Variants in FOXP4 observed in about 807,000 individuals in gnomAD.
FOXP4 encodes the protein forkhead box protein P4.
Under a neutral mutation model 82.6 loss-of-function variants are expected in FOXP4, and 25 were observed. The observed-to-expected ratio is 0.30, with a 90% CI of 0.22 to 0.42. The LOEUF (loss-of-function observed/expected upper bound fraction) is 0.42, where lower values mean the gene tolerates loss of function less well. Ranked by LOEUF, FOXP4 falls within the 10% of genes least tolerant of loss-of-function variation. FOXP4 has a pLI of 1.00. For synonymous variants in FOXP4, 415 were observed against 388.2 expected (o/e 1.07, Z -0.81); for missense variants, 785 against 900.9 (o/e 0.87, Z 1.65).
At chr6:41,560,274 CACCACTCTGA>C in intron 1 of FOXP4, among the ~76,000 whole-genome samples, 1 of 152,250 alleles carries the variant, frequency 6.6e-6, no homozygotes, top group African/African-American at 2.4e-5. Flanking sequence ...CCCGCACCAC[CACCACTCTGA>C]AAAAAACAAG....
At chr6:41,554,929 C>A (rs1254244780) in intron 1 of FOXP4, among the ~76,000 whole-genome samples, 2 of 151,440 alleles carry the variant, frequency 1.3e-5, no homozygotes, top group East Asian at 3.9e-4. Flanking sequence ...GACACCCTGA[C>A]CCAAATCTAA....
intron 4 of FOXP4, 92 bp from the exon 5 acceptor site, chr6:41,585,339 C>G (rs902447667): frequency 1.5e-6 from 2 of 1,314,066 alleles, no homozygotes; most frequent in East Asian, 2.5e-5. Context: ...GGGAAACTCC[C>G]TTCTCCTGCC....
rs1765953482 is a variant in FOXP4, at chr6:41,584,045, TA to T, written c.301-723del. Among the ~76,000 whole-genome samples, 6 of 152,276 alleles carry T rather than the reference TA, an allele frequency of 3.9e-5. No individual in the cohort carries two copies. The South Asian group carries it at 1.2e-3, about 32-fold the overall frequency. On this transcript the variant is annotated intron_variant, in intron 3 of 16. Transcript: ENST00000307972. ...TCACACAGCCAGCTCAGTGCAGAGT[TA>T]GGAGCGGAAGCCTGCCCTGCTAACT...
Position 41,601,330 on chromosome 6 carries a change from C to T in FOXP4, c.*2394C>T, listed in dbSNP as rs943932129. The T allele has an allele frequency of 6.5e-6, 1 of 152,854 alleles. No homozygotes were observed. The highest frequency in any genetic ancestry group is 2.4e-5 in the African/African-American group (1 of 41,450). 9.5% of individuals were successfully genotyped at this position (152,854 alleles called of 1,614,324 possible). On this transcript the variant is annotated 3_prime_UTR_variant, in exon 17 of 17. Coordinates refer to ENST00000307972, the MANE Select transcript of FOXP4 (RefSeq NM_001012426.2). Reference sequence around the variant, plus strand: ...CCAAAGATGGCCCCTGACACCTCCCCCAGCCCCAGCACACCAGCCTGCACC... The same window carrying T: ...CCAAAGATGGCCCCTGACACCTCCCTCAGCCCCAGCACACCAGCCTGCACC...
At chr6:41,572,589 C>A (rs1765263795) in intron 2 of FOXP4, among the ~76,000 whole-genome samples, 1 of 152,140 alleles carries the variant, frequency 6.6e-6, no homozygotes, top group Admixed American at 6.5e-5. Context: ...CCTCAAATAC[C>A]CTTCTAGTCC....
At position 41,591,277 on chromosome 6, in the gene FOXP4, C is replaced by T; in HGVS notation, c.1491C>T (p.Phe497=). Residue 497 remains phenylalanine, a synonymous_variant, in exon 13 of 17, where the codon TTC becomes TTT. Transcript: ENST00000307972. The surrounding 1 kb of genome is among the most constrained non-coding windows in gnomAD (Gnocchi z 4.2). ...CCCTGAATGAGATCTATAACTGGTTCACCAGGATGTTCGCCTATTTCCGCA... is the reference window on the plus strand; with the variant it reads ...CCCTGAATGAGATCTATAACTGGTTTACCAGGATGTTCGCCTATTTCCGCA... ...QLTLNEIYNW[F]TRMFAYFRRN... is the part of the protein sequence containing the mutation. 1 of 1,609,734 alleles carries T rather than the reference C, an allele frequency of 6.2e-7. No individual in the cohort carries two copies. Among genetic ancestry groups the T allele is most frequent in the Non-Finnish European group, 8.5e-7 (1 of 1,178,074 alleles).
intron 1 of FOXP4, among the ~76,000 whole-genome samples, chr6:41,547,091 G>C (rs1763672824): frequency 6.6e-6 from 1 of 151,744 alleles, no homozygotes; most frequent in Admixed American, 6.6e-5. Flanking sequence ...GCGCAGCCGC[G>C]ACATTCCGCC....
Position 41,581,380 on chromosome 6 carries a change from G to A in FOXP4, c.300+3299G>A, listed in dbSNP as rs149159205. ...TTCCTTCCAGTCAGACCGTCCAGCC[G>A]AGCACGCTGTATTCATGGGTGGGTG... is the stretch of plus-strand genomic sequence containing the variant. On this transcript the variant is annotated intron_variant, in intron 3 of 16. Coordinates refer to ENST00000307972, the MANE Select transcript of FOXP4 (RefSeq NM_001012426.2). Among the ~76,000 whole-genome samples the A allele has an allele frequency of 3.2e-4, 48 of 152,308 alleles. No individual in the cohort carries two copies. The East Asian group carries it at 7.9e-3, about 25-fold the overall frequency.
chr6:41,577,603 T>C (rs756827745), intron 2 of FOXP4, among the ~76,000 whole-genome samples: 1 of 152,144 alleles, frequency 6.6e-6, no homozygotes, highest in African/African-American at 2.4e-5. Flanking sequence ...TTAAATAAGC[T>C]CTTGCCTGTA....
intron 16 of FOXP4, 75 bp downstream of exon 16, chr6:41,598,025 TGGGTG>T (rs1766969072): frequency 6.3e-6 from 7 of 1,105,340 alleles, no homozygotes; most frequent in African/African-American, 2.9e-5. Flanking sequence ...TCCCCCACCC[TGGGTG>T]GGGTTCCCCA....
intron 2 of FOXP4, chr6:41,570,334 C>T (rs1258824671): frequency 2.1e-6 from 1 of 471,158 alleles, no homozygotes; most frequent in Non-Finnish European, 4.4e-6. Context: ...GACATCACAC[C>T]AGTTCATACC....
rs376160648 is a variant in FOXP4 at position 41,598,929 on chromosome 6, T to C, written c.2036T>C (p.Leu679Pro). The change falls in exon 17 of 17, where the codon CTG becomes CCG. Residue 679 changes from leucine (L) to proline (P), a missense_variant. By Grantham distance (98) the Leu-to-Pro change is moderately conservative. Transcript: ENST00000307972. ...GAGGAGGAGCTGCCGGGAGAAGAAC[T>C]GTCCTAAGGGCCTGTAGTGACCGGC... ...DLEEELPGEE[L>P]S The C allele has an allele frequency of 1.2e-6, 2 of 1,606,668 alleles. No homozygotes were observed. The highest frequency in any genetic ancestry group is 1.1e-5 in the South Asian group (1 of 89,118).
Position 41,593,847 on chromosome 6 carries a change from G to A in FOXP4, c.1537-1023G>A, listed in dbSNP as rs1041734129. Among the ~76,000 whole-genome samples, 7 of 152,208 alleles carry A rather than the reference G, an allele frequency of 4.6e-5. No individual in the cohort carries two copies. The highest frequency in any genetic ancestry group is 9.6e-5 in the African/African-American group (4 of 41,464). The stretch of plus-strand genomic sequence containing the variant: ...GAGGGAGAGGGATCTCCAGGGGCAC[G>A]GGCTGCCTGCCCTACCCGCTTTCTT... On this transcript the variant is annotated intron_variant, in intron 13 of 16. Transcript: ENST00000307972. This position sits in a 1 kb window ranked among gnomAD's most constrained non-coding sequence, Gnocchi z 4.1.
intron 2 of FOXP4, among the ~76,000 whole-genome samples, chr6:41,567,381 T>C (rs895874459): frequency 6.6e-6 from 1 of 152,220 alleles, no homozygotes; most frequent in Non-Finnish European, 1.5e-5. Context: ...TAGGGAGATA[T>C]TCTTCAGGAG....
chr6:41,565,079 A>G (rs1186404101), intron 1 of FOXP4, among the ~76,000 whole-genome samples: 1 of 152,182 alleles, frequency 6.6e-6, no homozygotes, highest in Non-Finnish European at 1.5e-5. Context: ...GGGGCTAGGC[A>G]CTGTGGCTCA....
At chr6:41,592,632 A>G (rs769161882) in intron 13 of FOXP4, among the ~76,000 whole-genome samples, 2 of 152,194 alleles carry the variant, frequency 1.3e-5, no homozygotes, top group Middle Eastern at 3.2e-3. Flanking sequence ...CTTTAGGGGT[A>G]GTAATATAGA....
rs1384969075 is a variant in FOXP4 at position 41,601,384 on chromosome 6, C to G, written c.*2448C>G. 3 of 152,462 alleles carry G rather than the reference C, an allele frequency of 2.0e-5. No homozygotes were observed. Among genetic ancestry groups the G allele is most frequent in the African/African-American group, 4.8e-5 (2 of 41,450 alleles). 9.4% of individuals were successfully genotyped at this position (152,462 alleles called of 1,614,324 possible). On this transcript the variant is annotated 3_prime_UTR_variant, in exon 17 of 17. Coordinates refer to ENST00000307972, the MANE Select transcript of FOXP4 (RefSeq NM_001012426.2). ...TATCCCGTGTTAAGTCCTGGTTCCC[C>G]ACCTGCTGCCCCTCCTCAACACAGA...
At chr6:41,583,647 G>C (rs964218400) in intron 3 of FOXP4, among the ~76,000 whole-genome samples, 1 of 152,222 alleles carries the variant, frequency 6.6e-6, no homozygotes, top group Non-Finnish European at 1.5e-5. Context: ...TTAGAGAAGA[G>C]TCCTGTATGC....
intron 1 of FOXP4, among the ~76,000 whole-genome samples, chr6:41,557,772 A>C (rs781131671): frequency 2.7e-4 from 41 of 152,200 alleles, no homozygotes; most frequent in South Asian, 6.2e-4. Context: ...TAGGATTATG[A>C]GTACTCTATT....
Sources: gnomAD v4.1 joint callset for allele counts (sites outside exome capture counted in the v4.1 genomes callset) on GRCh38, gnomAD v4.1.1 for gene constraint, Gnocchi (gnomAD v3.1) non-coding constraint, MANE v1.5 for transcripts, NCBI Gene and HGNC (gene_info 2026-07-23, HGNC 2026-07-21) for gene names.